The following ARHGEF38 variants were observed in gnomAD, a reference collection of about 807,000 sequenced individuals.
The protein encoded by ARHGEF38 is Rho guanine nucleotide exchange factor 38, also known as Rho guanine nucleotide exchange factor (GEF) 38.
In ARHGEF38, 79 loss-of-function variants were observed where a neutral mutation model predicts 79.9. The ratio of observed to expected loss-of-function variants is 0.99; its 90% confidence interval spans 0.82 to 1.19. The LOEUF (loss-of-function observed/expected upper bound fraction) is 1.19. Among genes scored for constraint, ARHGEF38 ranks in the 50% most tolerant of loss-of-function variants. The probability of loss-of-function intolerance (pLI) is 0.00; values close to 1 mark genes in which losing one functional copy is unlikely to be tolerated. For synonymous variants in ARHGEF38, 366 were observed against 328.3 expected (o/e 1.11, Z -1.24); for missense variants, 962 against 907.2 (o/e 1.06, Z -0.78).
At chr4:105,677,703 T>C in intron 13 of ARHGEF38, 49 bp from the exon 14 acceptor site, 1 of 1,351,582 alleles carries the variant, frequency 7.4e-7, no homozygotes, top group Non-Finnish European at 9.6e-7. Flanking sequence ...GATGTTTCTC[T>C]TAATATTCAG....
chr4:105,631,133 T>A (rs1729173059), intron 4 of ARHGEF38, 88 bp downstream of exon 4: 2 of 1,450,286 alleles, frequency 1.4e-6, no homozygotes, highest in Admixed American at 2.4e-5. Flanking sequence ...AGGTCTCACA[T>A]AAATCCTATG....
At chr4:105,617,129 C>G (rs146885234) in intron 3 of ARHGEF38, among the ~76,000 whole-genome samples, 1 of 152,114 alleles carries the variant, frequency 6.6e-6, no homozygotes, top group Non-Finnish European at 1.5e-5. Flanking sequence ...TTTAAAAATT[C>G]AATTCACAGA....
chr4:105,668,467 T>A (rs150634414), intron 13 of ARHGEF38, among the ~76,000 whole-genome samples: 2 of 152,336 alleles, frequency 1.3e-5, no homozygotes, highest in African/African-American at 2.4e-5. Flanking sequence ...ACTGGTACAA[T>A]CTTTTTGCAA....
At chr4:105,605,641 G>A (rs1728006532) in intron 2 of ARHGEF38, among the ~76,000 whole-genome samples, 1 of 152,224 alleles carries the variant, frequency 6.6e-6, no homozygotes, top group South Asian at 2.1e-4. Context: ...TTCACAGCAG[G>A]AAATTTCACA....
At chr4:105,592,632 G>A (rs1015082711) in intron 2 of ARHGEF38, among the ~76,000 whole-genome samples, 2 of 152,094 alleles carry the variant, frequency 1.3e-5, no homozygotes, top group African/African-American at 2.4e-5. Flanking sequence ...CTGTGCAGCA[G>A]AATTAATCTC....
In ARHGEF38 at chr4:105,561,444, A is replaced by AGAATGGAATG. The variant is rs1310249222; in HGVS notation, c.196+8492_196+8493insGGAATGGAAT. 13 of 43,012 alleles carry AGAATGGAATG rather than the reference A, an allele frequency of 3.0e-4. 1 individual carries two copies. The highest frequency in any genetic ancestry group is 2.2e-3 in the South Asian group (3 of 1,356). The allele number at this position is 43,012 out of a possible 1,614,324, so 2.7% of individuals were successfully genotyped here. On this transcript the variant is annotated intron_variant, in intron 1 of 13. Transcript: ENST00000420470. ...AGAATGGAATAGAATAGAATAGAAT[A>AGAATGGAATG]GAATGGAATAGAATAGAATAGAATA...
intron 2 of ARHGEF38, among the ~76,000 whole-genome samples, chr4:105,606,383 A>G (rs186024836): frequency 6.6e-6 from 1 of 152,216 alleles, no homozygotes; most frequent in Admixed American, 6.6e-5. Flanking sequence ...GCACATATAT[A>G]TGGAATTTTT....
intron 1 of ARHGEF38, chr4:105,561,514 A>AATG (rs1725616685): frequency 7.6e-6 from 1 of 131,706 alleles, no homozygotes; most frequent in Non-Finnish European, 1.7e-5. Context: ...AGAATAGAAT[A>AATG]GAATAGAATA....
intron 4 of ARHGEF38, chr4:105,631,259 G>T: frequency 8.2e-7 from 1 of 1,225,268 alleles, no homozygotes; most frequent in Non-Finnish European, 1.0e-6. Context: ...TAACATGGAA[G>T]AAGATTTAGA....
intron 2 of ARHGEF38, among the ~76,000 whole-genome samples, chr4:105,609,013 T>A (rs1298136231): frequency 1.3e-5 from 2 of 152,134 alleles, no homozygotes; most frequent in Non-Finnish European, 2.9e-5. Flanking sequence ...TTAAGTTTGA[T>A]GGAATACCAT....
chr4:105,639,555 A>G (rs961262673), intron 5 of ARHGEF38, among the ~76,000 whole-genome samples: 1 of 152,020 alleles, frequency 6.6e-6, no homozygotes, highest in Non-Finnish European at 1.5e-5. Context: ...ATTTTAGTGT[A>G]AAGAATGAGG....
chr4:105,608,470 T>C (rs899636583), intron 2 of ARHGEF38, among the ~76,000 whole-genome samples: 6 of 151,956 alleles, frequency 3.9e-5, no homozygotes, highest in Non-Finnish European at 7.4e-5. Flanking sequence ...ATATGCAGGG[T>C]ACATGTAATA....
At chr4:105,588,874 T>G (rs1020964622) in intron 1 of ARHGEF38, among the ~76,000 whole-genome samples, 1 of 152,250 alleles carries the variant, frequency 6.6e-6, no homozygotes, top group Non-Finnish European at 1.5e-5. Context: ...ATTAAAGGCA[T>G]TTCATTTACT....
chr4:105,658,986 G>A, intron 9 of ARHGEF38, 68 bp from the exon 10 acceptor site: 1 of 1,343,056 alleles, frequency 7.4e-7, no homozygotes, highest in Non-Finnish European at 9.9e-7. Flanking sequence ...TAAACCTATG[G>A]ATAGCAGAAC....
chr4:105,659,350 C>G lies in ARHGEF38; in HGVS notation c.1530C>G (p.Tyr510Ter). Residue 510 changes from tyrosine (Y) to a stop codon, truncating the protein, a stop_gained, in exon 10 of 14, where the codon TAC (tyrosine) becomes TAG (stop). Transcript: ENST00000420470. LOFTEE classifies it high-confidence loss of function. ...TGATGCTCGTGGCACAGCAGGCTTA[C>G]TCCACACTTGTGCCGGTAAGCACAG... is the stretch of plus-strand genomic sequence containing the variant. ...RDLMLVAQQA[Y>*]STLVPMPLLV... is the part of the protein sequence containing the mutation. The G allele has an allele frequency of 2.0e-6, 3 of 1,534,698 alleles. No individual in the cohort carries two copies. Among genetic ancestry groups the G allele is most frequent in the Non-Finnish European group, 1.7e-6 (2 of 1,146,516 alleles).
chr4:105,647,213 A>C (rs1452991721), intron 6 of ARHGEF38, among the ~76,000 whole-genome samples: 2 of 152,138 alleles, frequency 1.3e-5, no homozygotes, highest in Non-Finnish European at 1.5e-5. Context: ...TCCAGTTTGC[A>C]TAGCTAACAT....
chr4:105,648,557 T>C lies in ARHGEF38; in HGVS notation c.883T>C (p.Tyr295His). The C allele has an allele frequency of 3.3e-6, 5 of 1,512,348 alleles. No individual in the cohort carries two copies. The highest frequency in any genetic ancestry group is 1.4e-5 in the African/African-American group (1 of 72,094). 93.7% of individuals were successfully genotyped at this position (1,512,348 alleles called of 1,614,324 possible). ...ACATTCTTCCTTTTCAGTTCTAAAA[T>C]ACAAGAAGAATGACGAGGATGAATC... ...LKRRKDLVLK[Y>H]KKNDEDESLK... is the part of the protein sequence containing the mutation. The change falls in exon 7 of 14, where the codon TAC becomes CAC. Residue 295 changes from tyrosine to histidine, a missense_variant. Tyr to His is a moderately conservative substitution (Grantham distance 83). Coordinates refer to ENST00000420470, the MANE Select transcript of ARHGEF38 (RefSeq NM_001242729.2).
chr4:105,613,266 AACAG>A, intron 2 of ARHGEF38, 114 bp from the exon 3 acceptor site: 2 of 1,213,470 alleles, frequency 1.6e-6, no homozygotes, highest in Non-Finnish European at 2.2e-6. Flanking sequence ...TAAGAATGTT[AACAG>A]AAATGGTTAA....
intron 1 of ARHGEF38, among the ~76,000 whole-genome samples, chr4:105,577,890 TTGA>T (rs1213876628): frequency 2.6e-5 from 4 of 152,170 alleles, no homozygotes; most frequent in Non-Finnish European, 5.9e-5. Context: ...TTTTGTTTCA[TTGA>T]TCTTTTGTAT....
Sources: gnomAD v4.1 joint callset for allele counts (sites outside exome capture counted in the v4.1 genomes callset) on GRCh38, gnomAD v4.1.1 for gene constraint, MANE v1.5 for transcripts, NCBI Gene and HGNC (gene_info 2026-07-23, HGNC 2026-07-21) for gene names.